Variants in PRR5L observed in about 807,000 individuals in gnomAD.
PRR5L encodes proline-rich protein 5-like.
Under a neutral mutation model 36.4 loss-of-function variants are expected in PRR5L, and 21 were observed. The ratio of observed to expected loss-of-function variants is 0.58; its 90% confidence interval spans 0.41 to 0.83. PRR5L has a LOEUF of 0.83. PRR5L is among the 40% of genes least tolerant of loss of function. The pLI, the probability that PRR5L is intolerant of heterozygous loss-of-function variation, is 0.00. For missense variants in PRR5L, 381 were observed against 473.3 expected, an observed-to-expected ratio of 0.80 and a Z score of 1.81; for synonymous variants, 188 against 197.0, an observed-to-expected ratio of 0.95 and a Z score of 0.38.
At chr11:36,418,782 C>T (rs187090131) in intron 3 of PRR5L, among the ~76,000 whole-genome samples, 41 of 152,070 alleles carry the variant, frequency 2.7e-4, no homozygotes, top group African/African-American at 6.8e-4. Context: ...GGAGACAGAG[C>T]GAGACTCTGT....
At chr11:36,456,732 G>A (rs76279812) in intron 8 of PRR5L, among the ~76,000 whole-genome samples, 1,810 of 152,246 alleles carry the variant, frequency 0.012, 19 homozygotes, top group Non-Finnish European at 0.017. Flanking sequence ...CTCCTTTTTG[G>A]TACAGTACCT....
intron 3 of PRR5L, among the ~76,000 whole-genome samples, chr11:36,410,077 G>C (rs1857992921): frequency 6.6e-6 from 1 of 152,188 alleles, no homozygotes; most frequent in African/African-American, 2.4e-5. Context: ...GCTCTTCTTG[G>C]TCTGGGTGAC....
chr11:36,348,010 A>G (rs1257725962), intron 1 of PRR5L, among the ~76,000 whole-genome samples: 1 of 152,204 alleles, frequency 6.6e-6, no homozygotes, highest in Non-Finnish European at 1.5e-5. Flanking sequence ...ATGAGAATCA[A>G]ATGAATCAAT....
intron 1 of PRR5L, among the ~76,000 whole-genome samples, chr11:36,315,145 A>T (rs1436522126): frequency 6.6e-6 from 1 of 152,196 alleles, no homozygotes. Context: ...AACTTTTGCA[A>T]GTTACTTAAT....
chr11:36,363,203 C>A (rs1341937787), intron 1 of PRR5L, among the ~76,000 whole-genome samples: 2 of 151,410 alleles, frequency 1.3e-5, no homozygotes, highest in East Asian at 3.9e-4. Flanking sequence ...ACACACCATT[C>A]TTTGCATCAT....
At chr11:36,360,941 C>A (rs1354817229) in intron 1 of PRR5L, among the ~76,000 whole-genome samples, 1 of 152,190 alleles carries the variant, frequency 6.6e-6, no homozygotes. Flanking sequence ...AAGTTGCCTG[C>A]AGGAACTGTG....
chr11:36,395,727 A>AT (rs35806102), intron 1 of PRR5L, among the ~76,000 whole-genome samples: 5 of 151,732 alleles, frequency 3.3e-5, no homozygotes, highest in Admixed American at 6.6e-5. Flanking sequence ...TTTATTAGTT[A>AT]TTTTTTTTAA....
At chr11:36,420,459 T>G (rs779428223) in intron 4 of PRR5L, among the ~76,000 whole-genome samples, 2 of 152,206 alleles carry the variant, frequency 1.3e-5, no homozygotes, top group Non-Finnish European at 2.9e-5. Flanking sequence ...TATTTCCTTT[T>G]CTGTGAAACA....
chr11:36,452,060 A>T (rs887202410), intron 8 of PRR5L, among the ~76,000 whole-genome samples: 2 of 152,306 alleles, frequency 1.3e-5, no homozygotes, highest in Middle Eastern at 3.4e-3. Context: ...TAGCTGTATG[A>T]TAAGGCTTCC....
intron 1 of PRR5L, among the ~76,000 whole-genome samples, chr11:36,330,341 A>G (rs1042393964): frequency 6.6e-6 from 1 of 152,196 alleles, no homozygotes; most frequent in Non-Finnish European, 1.5e-5. Flanking sequence ...CTTCTTCATC[A>G]ATTCATTTAG....
chr11:36,424,158 C>T (rs1858330380), intron 4 of PRR5L, among the ~76,000 whole-genome samples: 1 of 152,186 alleles, frequency 6.6e-6, no homozygotes, highest in Admixed American at 6.5e-5. Flanking sequence ...AATCAATAGG[C>T]TTGCAGAAGT....
chr11:36,370,653 G>C, intron 1 of PRR5L, among the ~76,000 whole-genome samples: 1 of 152,200 alleles, frequency 6.6e-6, no homozygotes, highest in Middle Eastern at 3.4e-3. Flanking sequence ...AGGCCAACGC[G>C]GGCAAATCAC....
chr11:36,391,985 C>A (rs779128810), intron 1 of PRR5L, among the ~76,000 whole-genome samples: 6 of 152,198 alleles, frequency 3.9e-5, no homozygotes, highest in Admixed American at 1.3e-4. Context: ...CCTTCCAAGT[C>A]TCTAGTAACC....
chr11:36,394,946 A>ATACATCCTTCAT (rs1483675043), intron 1 of PRR5L, among the ~76,000 whole-genome samples: 1 of 152,170 alleles, frequency 6.6e-6, no homozygotes, highest in East Asian at 1.9e-4. Flanking sequence ...CAGAGCTCTG[A>ATACATCCTTCAT]GTGATACACA....
chr11:36,412,880 A>G lies in PRR5L; in HGVS notation c.246-6375A>G, dbSNP rs143379007. Among the ~76,000 whole-genome samples, 967 of 152,240 alleles carry G rather than the reference A, an allele frequency of 6.4e-3. 12 individuals carry two copies. The highest frequency in any genetic ancestry group is 0.022 in the African/African-American group (905 of 41,550). On this transcript the variant is annotated intron_variant, in intron 3 of 8. Coordinates refer to ENST00000530639, the MANE Select transcript of PRR5L (RefSeq NM_001160167.2). Reference sequence around the variant, plus strand: ...TAGCATCCAGAACCATGTCTAACACATAACATTATGTTTTCAGTAAATGGC... The same window carrying G: ...TAGCATCCAGAACCATGTCTAACACGTAACATTATGTTTTCAGTAAATGGC...
intron 1 of PRR5L, chr11:36,398,654 T>C (rs56898445): frequency 0.14 from 21,004 of 152,256 alleles, 1,981 homozygotes; most frequent in African/African-American, 0.27. Context: ...AGTCGTAGGC[T>C]GAAAATGACC....
chr11:36,459,292 C>T (rs9630174), intron 8 of PRR5L, among the ~76,000 whole-genome samples: 8,664 of 152,212 alleles, frequency 0.057, 827 homozygotes, highest in African/African-American at 0.2. Flanking sequence ...CCAGCCTTGT[C>T]ATGGTGCTTA....
chr11:36,356,379 C>T (rs190170912), intron 1 of PRR5L, among the ~76,000 whole-genome samples: 1 of 152,152 alleles, frequency 6.6e-6, no homozygotes, highest in East Asian at 1.9e-4. Context: ...CTGTAAAGTA[C>T]TGGGGTGGCA....
At chr11:36,375,899 T>C in intron 1 of PRR5L, 1 of 287,204 alleles carries the variant, frequency 3.5e-6, no homozygotes, top group Non-Finnish European at 7.0e-6. Flanking sequence ...TTAAAACAAC[T>C]TCTGGAATCG....
Sources: allele counts gnomAD v4.1 joint callset (sites outside exome capture counted in the v4.1 genomes callset), GRCh38; gene constraint gnomAD v4.1.1; transcripts MANE v1.5; gene names NCBI Gene and HGNC (gene_info 2026-07-23, HGNC 2026-07-21).